Variants in HMGB1 observed in about 807,000 individuals in gnomAD.
The protein encoded by HMGB1 is high mobility group protein B1.
For missense variants in HMGB1, 79 were observed against 253.5 expected (o/e 0.31, Z 4.67); for synonymous variants, 81 against 84.0 (o/e 0.96, Z 0.19).
At chr13:30,507,331 G>A (rs898663748) in intron 1 of HMGB1, among the ~76,000 whole-genome samples, 3 of 152,310 alleles carry the variant, frequency 2.0e-5, no homozygotes, top group South Asian at 4.1e-4. Flanking sequence ...CCTCACACAC[G>A]TATTCAGAGG....
At chr13:30,468,902 T>C (rs1013641066), upstream of HMGB1, among the ~76,000 whole-genome samples, 3 of 152,188 alleles carry the variant, frequency 2.0e-5, no homozygotes, top group Non-Finnish European at 4.4e-5. Context: ...GTTGTTGTTT[T>C]TGTTTTTATG....
upstream of HMGB1, among the ~76,000 whole-genome samples, chr13:30,470,225 C>G (rs141925842): frequency 8.7e-4 from 133 of 152,288 alleles, no homozygotes; most frequent in African/African-American, 2.9e-3. Flanking sequence ...TAGCAGAGTA[C>G]TTGGCATACA....
intron 1 of HMGB1, among the ~76,000 whole-genome samples, chr13:30,505,916 G>C (rs1195378727): frequency 6.6e-6 from 1 of 151,822 alleles, no homozygotes; most frequent in Non-Finnish European, 1.5e-5. Context: ...GTAGAGACAG[G>C]GTTTTGTCAT....
chr13:30,584,280 C>T (rs570771597), intron 1 of HMGB1, among the ~76,000 whole-genome samples: 43 of 152,268 alleles, frequency 2.8e-4, no homozygotes, highest in Non-Finnish European at 2.9e-4. Flanking sequence ...CAAACACAAT[C>T]CTACCTCAGA....
intron 1 of HMGB1, among the ~76,000 whole-genome samples, chr13:30,546,421 C>A (rs148737365): frequency 1.3e-5 from 2 of 152,028 alleles, no homozygotes; most frequent in Non-Finnish European, 2.9e-5. Flanking sequence ...GCCAACCTCA[C>A]GTTTTATACT....
chr13:30,472,885 A>T (rs1037668337), intron 1 of HMGB1, among the ~76,000 whole-genome samples: 15 of 151,588 alleles, frequency 9.9e-5, no homozygotes, highest in Admixed American at 2.0e-4. Flanking sequence ...AGTGAAAATA[A>T]AGGAATGAGG....
chr13:30,465,306 G>A (rs1340563827), intron 1 of HMGB1: 4 of 82,602 alleles, frequency 4.8e-5, no homozygotes, highest in African/African-American at 1.8e-4. Context: ...CCGCCCGCCC[G>A]GCTGGCCGCG....
chr13:30,562,793 C>T (rs2137526300), intron 1 of HMGB1, among the ~76,000 whole-genome samples: 1 of 152,282 alleles, frequency 6.6e-6, no homozygotes, highest in South Asian at 2.1e-4. Flanking sequence ...ATTACAATGG[C>T]AGACGCTTGG....
At chr13:30,590,241 G>A (rs1235725392) in intron 1 of HMGB1, among the ~76,000 whole-genome samples, 2 of 152,024 alleles carry the variant, frequency 1.3e-5, no homozygotes, top group Admixed American at 6.5e-5. Flanking sequence ...TACGACAACC[G>A]AGAGGCTGAA....
At chr13:30,598,060 CTTCAA>C (rs1871696514) in intron 1 of HMGB1, among the ~76,000 whole-genome samples, 1 of 152,140 alleles carries the variant, frequency 6.6e-6, no homozygotes, top group Non-Finnish European at 1.5e-5. Flanking sequence ...TACATTTTTC[CTTCAA>C]TTCCTTTCCA....
intron 1 of HMGB1, among the ~76,000 whole-genome samples, chr13:30,532,334 CAAA>C (rs34132409): frequency 1.6e-4 from 18 of 113,310 alleles, no homozygotes; most frequent in Admixed American, 1.9e-4. Flanking sequence ...GACTCTGTCT[CAAA>C]AAAAAAAAAA....
Position 30,462,716 on chromosome 13 carries a change from A to G in HMGB1, c.297-4T>C. Reference sequence around the variant, plus strand: ...GCAGAAGAGGAAGAAGGCCGAACTAAAAAAAAAATTAATTTTAGGATTTTA... The same window carrying G: ...GCAGAAGAGGAAGAAGGCCGAACTAGAAAAAAAATTAATTTTAGGATTTTA... On this transcript the variant is annotated splice_polypyrimidine_tract_variant and splice_region_variant and intron_variant, in intron 3 of 4. Coordinates refer to ENST00000341423, the MANE Select transcript of HMGB1 (RefSeq NM_002128.7). 2.5e-6 allele frequency: 4 copies of G among 1,608,110 alleles called. No individual in the cohort carries two copies. Among genetic ancestry groups the G allele is most frequent in the Non-Finnish European group, 3.4e-6 (4 of 1,177,254 alleles).
Position 30,458,260 on chromosome 13 carries a change from A to G in HMGB1, c.*3097T>C, listed in dbSNP as rs1593248737. On this transcript the variant is annotated 3_prime_UTR_variant, in exon 5 of 5. Transcript: ENST00000341423. ...CAAGCAGACCTAAATGTGAACTTTC[A>G]TCAAGGACTATGTGATGTCAAGCAA... 1 of 152,160 alleles carries G rather than the reference A, an allele frequency of 6.6e-6. No homozygotes were observed. The highest frequency in any genetic ancestry group is 2.4e-5 in the African/African-American group (1 of 41,494). 9.4% of individuals were successfully genotyped at this position (152,160 alleles called of 1,614,324 possible). A position where few individuals can be genotyped will look rare whatever the true frequency, so the allele number is the denominator to read the frequency against.
chr13:30,518,616 T>C (rs555542029), intron 1 of HMGB1, among the ~76,000 whole-genome samples: 33 of 152,250 alleles, frequency 2.2e-4, no homozygotes, highest in Admixed American at 1.1e-3. Context: ...TATTGTTAGG[T>C]GCCAATGAGA....
chr13:30,524,008 A>G (rs1888297924), intron 1 of HMGB1, among the ~76,000 whole-genome samples: 1 of 152,174 alleles, frequency 6.6e-6, no homozygotes, highest in South Asian at 2.1e-4. Flanking sequence ...CTATGCAGCC[A>G]TAAAAAAGGA....
At chr13:30,534,824 G>A (rs1287628517) in intron 1 of HMGB1, among the ~76,000 whole-genome samples, 1 of 151,946 alleles carries the variant, frequency 6.6e-6, no homozygotes, top group Non-Finnish European at 1.5e-5. Context: ...TGATCTGCCC[G>A]CCCTGGCCTC....
chr13:30,558,410 C>T (rs1382697306), intron 1 of HMGB1, among the ~76,000 whole-genome samples: 1 of 151,972 alleles, frequency 6.6e-6, no homozygotes, highest in Non-Finnish European at 1.5e-5. Context: ...TCATTCTTAG[C>T]CAAAAGTGTG....
chr13:30,615,444 T>G (rs1290115647), intron 1 of HMGB1, among the ~76,000 whole-genome samples: 1 of 152,194 alleles, frequency 6.6e-6, no homozygotes, highest in Non-Finnish European at 1.5e-5. Flanking sequence ...CACCCCATAA[T>G]CAAACATATT....
chr13:30,463,895 AAC>A, intron 1 of HMGB1: 1 of 501,362 alleles, frequency 2.0e-6, no homozygotes, highest in East Asian at 3.7e-5. Flanking sequence ...ACAAAACAAA[AAC>A]AGTCCTTCAG....
Sources: gnomAD v4.1 joint callset for allele counts (sites outside exome capture counted in the v4.1 genomes callset) on GRCh38, gnomAD v4.1.1 for gene constraint, MANE v1.5 for transcripts, NCBI Gene and HGNC (gene_info 2026-07-23, HGNC 2026-07-21) for gene names.